Variants in SYT2 observed in about 807,000 individuals in gnomAD.
SYT2 encodes the protein synaptotagmin-2.
In SYT2, 15 loss-of-function variants were observed where a neutral mutation model predicts 39.9. The ratio of observed to expected loss-of-function variants is 0.38; its 90% confidence interval spans 0.25 to 0.58. The LOEUF (loss-of-function observed/expected upper bound fraction) is 0.58, where lower values mean the gene tolerates loss of function less well. Among genes scored for constraint, SYT2 ranks in the 20% least tolerant of loss-of-function variants. SYT2 has a pLI of 0.70. For synonymous variants in SYT2, 181 were observed against 204.5 expected, an observed-to-expected ratio of 0.89 and a Z score of 0.98; for missense variants, 389 against 530.3, an observed-to-expected ratio of 0.73 and a Z score of 2.62.
chr1:202,694,033 C>T (rs1158596965), intron 1 of SYT2, among the ~76,000 whole-genome samples: 1 of 152,196 alleles, frequency 6.6e-6, no homozygotes, highest in African/African-American at 2.4e-5. Context: ...AGAGCAAGAA[C>T]TCACTCATTA....
In SYT2 at chr1:202,604,441, C is replaced by T; in HGVS notation, c.345+14G>A. ...GAGCCCCTTCCAGTCCCCCTCACAACCAATGTGCCCTACCTGACCCCCTTT... is the reference window on the plus strand; with the variant it reads ...GAGCCCCTTCCAGTCCCCCTCACAATCAATGTGCCCTACCTGACCCCCTTT... On this transcript the variant is annotated intron_variant, in intron 3 of 8. Transcript: ENST00000367268. 3 of 1,613,154 alleles carry T rather than the reference C, an allele frequency of 1.9e-6. No individual in the cohort carries two copies. Among genetic ancestry groups the T allele is most frequent in the Non-Finnish European group, 2.5e-6 (3 of 1,179,208 alleles).
intron 1 of SYT2, among the ~76,000 whole-genome samples, chr1:202,647,306 C>T (rs1692104798): frequency 6.6e-6 from 1 of 152,194 alleles, no homozygotes; most frequent in Admixed American, 6.5e-5. Flanking sequence ...CATATGTTTC[C>T]AGGGCCCGTA....
chr1:202,689,637 T>G (rs1653768656), intron 1 of SYT2, among the ~76,000 whole-genome samples: 1 of 152,066 alleles, frequency 6.6e-6, no homozygotes, highest in Non-Finnish European at 1.5e-5. Flanking sequence ...TACAGAGTTA[T>G]TTTGAGTGTC....
intron 1 of SYT2, among the ~76,000 whole-genome samples, chr1:202,637,277 G>A (rs573285658): frequency 7.3e-5 from 11 of 150,360 alleles, no homozygotes; most frequent in South Asian, 2.1e-4. Context: ...CCTGAGCCTC[G>A]GGAAGTTGAG....
intron 1 of SYT2, among the ~76,000 whole-genome samples, chr1:202,703,791 C>T (rs1286032120): frequency 6.6e-6 from 1 of 152,212 alleles, no homozygotes; most frequent in Non-Finnish European, 1.5e-5. Context: ...TCCTTCATCC[C>T]ATTTCTCCAT....
rs1342158739 is a variant in SYT2 at position 202,615,135 on chromosome 1, G to T, written c.-17-9346C>A. Among the ~76,000 whole-genome samples the T allele has an allele frequency of 2.0e-5, 3 of 152,186 alleles. No homozygotes were observed. The East Asian group carries it at 5.8e-4, about 29-fold the overall frequency. On this transcript the variant is annotated intron_variant, in intron 1 of 8. Coordinates refer to ENST00000367268, the MANE Select transcript of SYT2 (RefSeq NM_177402.5). ...GGCATTCCCGGGGAATCCACCAGAGGAAAATGACTTAGAGCTGCAGAGAGG... is the reference window on the plus strand; with the variant it reads ...GGCATTCCCGGGGAATCCACCAGAGTAAAATGACTTAGAGCTGCAGAGAGG...
In SYT2 at chr1:202,640,348, C is replaced by T. The variant is rs559568265; in HGVS notation, c.-17-34559G>A. Among the ~76,000 whole-genome samples the T allele has an allele frequency of 5.0e-4, 76 of 151,482 alleles. 1 individual carries two copies. The highest frequency in any genetic ancestry group is 2.8e-3 in the East Asian group (14 of 5,080). ...TCATCTAAACCAAGCTTTCACTTCA[C>T]GTATGAGAAAACTGAGGTCCACAGT... On this transcript the variant is annotated intron_variant, in intron 1 of 8. Coordinates refer to ENST00000367268, the MANE Select transcript of SYT2 (RefSeq NM_177402.5).
At chr1:202,688,863 C>CCTCCTCACCCAGCCTCGGATGGT (rs1295138359) in intron 1 of SYT2, among the ~76,000 whole-genome samples, 1 of 152,192 alleles carries the variant, frequency 6.6e-6, no homozygotes, top group Non-Finnish European at 1.5e-5. Flanking sequence ...CCCCGGGTGG[C>CCTCCTCACCCAGCCTCGGATGGT]CTCCTCACCC....
intron 1 of SYT2, among the ~76,000 whole-genome samples, chr1:202,662,770 TA>T (rs936040640): frequency 6.7e-4 from 102 of 152,340 alleles, no homozygotes; most frequent in African/African-American, 2.5e-3. Context: ...GCAAGTCAGG[TA>T]ACCTCTCTGG....
chr1:202,652,630 A>G (rs1358563283), intron 1 of SYT2, among the ~76,000 whole-genome samples: 1 of 152,142 alleles, frequency 6.6e-6, no homozygotes, highest in East Asian at 1.9e-4. Context: ...GAGGAGCTTA[A>G]AGGAAAGGTG....
At chr1:202,639,010 C>T (rs2149095472) in intron 1 of SYT2, among the ~76,000 whole-genome samples, 1 of 152,298 alleles carries the variant, frequency 6.6e-6, no homozygotes, top group South Asian at 2.1e-4. Context: ...GGTCTGTTGT[C>T]TTTCTGTCCT....
At chr1:202,610,392 A>G (rs1690854087) in intron 1 of SYT2, among the ~76,000 whole-genome samples, 1 of 152,172 alleles carries the variant, frequency 6.6e-6, no homozygotes, top group Non-Finnish European at 1.5e-5. Flanking sequence ...AACTGGAAGC[A>G]TTCCCTTTGA....
At chr1:202,680,991 G>A (rs1332410368) in intron 1 of SYT2, among the ~76,000 whole-genome samples, 1 of 152,156 alleles carries the variant, frequency 6.6e-6, no homozygotes, top group East Asian at 1.9e-4. Context: ...AAGCCACCAT[G>A]ATGCCTCTGA....
At chr1:202,654,127 G>A (rs1442638756) in intron 1 of SYT2, among the ~76,000 whole-genome samples, 2 of 152,206 alleles carry the variant, frequency 1.3e-5, no homozygotes, top group Non-Finnish European at 2.9e-5. Flanking sequence ...CCCAGCCACA[G>A]CTGAGCTTAC....
intron 1 of SYT2, chr1:202,627,575 T>A (rs1270806585): frequency 2.0e-6 from 2 of 985,048 alleles, no homozygotes; most frequent in Non-Finnish European, 2.4e-6. Flanking sequence ...TGGCTCCCCA[T>A]GGGGAAAGGA....
chr1:202,629,510 G>A (rs11582199), intron 1 of SYT2, among the ~76,000 whole-genome samples: 23,253 of 152,174 alleles, frequency 0.15, 2,322 homozygotes, highest in Non-Finnish European at 0.23. Context: ...AGTCAGCAGA[G>A]TCTAGCTGTT....
chr1:202,624,346 CA>C (rs1478661499), intron 1 of SYT2, among the ~76,000 whole-genome samples: 1 of 140,304 alleles, frequency 7.1e-6, no homozygotes, highest in African/African-American at 2.7e-5. Flanking sequence ...AGTGGGGTGT[CA>C]GGGGGTATGT....
intron 1 of SYT2, among the ~76,000 whole-genome samples, chr1:202,692,824 C>A (rs1653870982): frequency 1.3e-5 from 2 of 152,136 alleles, no homozygotes; most frequent in Non-Finnish European, 2.9e-5. Flanking sequence ...CTTTGGGAGA[C>A]CGAGGTGGGA....
At chr1:202,655,395 TCA>T (rs1233018944) in intron 1 of SYT2, among the ~76,000 whole-genome samples, 16 of 152,168 alleles carry the variant, frequency 1.1e-4, no homozygotes, top group Admixed American at 9.8e-4. Context: ...TTTTTAAATC[TCA>T]GAGTCCTTTA....
Sources: allele counts gnomAD v4.1 joint callset (sites outside exome capture counted in the v4.1 genomes callset), GRCh38; gene constraint gnomAD v4.1.1; transcripts MANE v1.5; gene names NCBI Gene and HGNC (gene_info 2026-07-23, HGNC 2026-07-21).